The following NARS2 variants were observed in gnomAD, a reference collection of about 807,000 sequenced individuals.
NARS2 encodes asparaginyl-tRNA synthetase 2, mitochondrial.
NARS2 carries 60 observed loss-of-function variants against 62.9 expected under a neutral mutation model. The ratio of observed to expected loss-of-function variants is 0.95; its 90% CI spans 0.77 to 1.18. NARS2 has a LOEUF of 1.18. NARS2 is among the 50% of genes most tolerant of loss of function. The pLI is 0.00. For synonymous variants in NARS2, 196 were observed against 200.0 expected (o/e 0.98, Z 0.17); for missense variants, 619 against 576.4 (o/e 1.07, Z -0.76).
At chr11:78,520,049 A>G (rs1359121748) in intron 6 of NARS2, among the ~76,000 whole-genome samples, 10 of 152,010 alleles carry the variant, frequency 6.6e-5, no homozygotes, top group Non-Finnish European at 8.8e-5. Context: ...AATATTTTTA[A>G]AATATTTTAA....
chr11:78,571,271 G>T (rs1225083530), intron 2 of NARS2, 64 bp downstream of exon 2: 1 of 962,804 alleles, frequency 1.0e-6, no homozygotes, highest in Non-Finnish European at 1.7e-6. Context: ...CTGGAGTAGG[G>T]AAGTGAGAAG....
chr11:78,455,243 C>G (rs1442723773), intron 11 of NARS2, among the ~76,000 whole-genome samples: 1 of 152,150 alleles, frequency 6.6e-6, no homozygotes, highest in Non-Finnish European at 1.5e-5. Flanking sequence ...CTTGTCTAGC[C>G]ATCTTTATCA....
intron 6 of NARS2, among the ~76,000 whole-genome samples, chr11:78,502,500 T>C (rs888781974): frequency 1.4e-4 from 22 of 152,228 alleles, no homozygotes; most frequent in Non-Finnish European, 2.2e-4. Context: ...TACAATCACA[T>C]AGGGGTTAGG....
rs1034044538 is a variant in NARS2, at chr11:78,465,353, A to G, written c.1164+523T>C. ...GGCCAGCCCAGAAAGGGGCTCCCACAGTGCAGTGGCAGGCTGAAGGGCTCC... is the reference window on the plus strand; with the variant it reads ...GGCCAGCCCAGAAAGGGGCTCCCACGGTGCAGTGGCAGGCTGAAGGGCTCC... On this transcript the variant is annotated intron_variant, in intron 11 of 13. Transcript: ENST00000281038. 3.3e-5 allele frequency among the ~76,000 whole-genome samples: 5 copies of G among 152,368 alleles called. No homozygotes were observed. The East Asian group carries it at 7.7e-4, about 24-fold the overall frequency.
At chr11:78,506,438 G>A (rs1860502032) in intron 6 of NARS2, among the ~76,000 whole-genome samples, 1 of 152,138 alleles carries the variant, frequency 6.6e-6, no homozygotes, top group African/African-American at 2.4e-5. Context: ...AGTATCAAAC[G>A]ACAGATGGAT....
At chr11:78,565,999 C>A (rs1856729592) in intron 4 of NARS2, 133 bp downstream of exon 4, 1 of 663,860 alleles carries the variant, frequency 1.5e-6, no homozygotes, top group African/African-American at 1.8e-5. Context: ...AAACCATAAC[C>A]CATAATGAAG....
In NARS2 at chr11:78,532,467, A is replaced by G. The variant is rs1033404658; in HGVS notation, c.595-3531T>C. Among the ~76,000 whole-genome samples, 4 of 152,216 alleles carry G rather than the reference A, an allele frequency of 2.6e-5. No homozygotes were observed. In the East Asian group the frequency reaches 7.7e-4, roughly 29 times the overall value. ...TAATCTGCTCCCCAAATGAGAAAGA[A>G]GATATACAGAAATGAAGACTCAAAT... On this transcript the variant is annotated intron_variant, in intron 5 of 13. Coordinates refer to ENST00000281038, the MANE Select transcript of NARS2 (RefSeq NM_024678.6).
At chr11:78,503,466 G>C (rs1006994610) in intron 6 of NARS2, among the ~76,000 whole-genome samples, 1 of 152,068 alleles carries the variant, frequency 6.6e-6, no homozygotes, top group Non-Finnish European at 1.5e-5. Context: ...TTGAACTCCT[G>C]ACCTCAGGTG....
At chr11:78,504,439 T>G (rs200287753) in intron 6 of NARS2, among the ~76,000 whole-genome samples, 10,312 of 63,208 alleles carry the variant, frequency 0.16, 1,038 homozygotes, top group African/African-American at 0.36. Context: ...CACCAGTTTT[T>G]TTTTTTTTTT....
intron 4 of NARS2, among the ~76,000 whole-genome samples, chr11:78,559,909 C>A (rs1856499988): frequency 6.6e-6 from 1 of 152,164 alleles, no homozygotes; most frequent in South Asian, 2.1e-4. Context: ...ACAAGTTACA[C>A]AATTAGTCAG....
At chr11:78,468,720 T>A (rs1241661128) in intron 10 of NARS2, among the ~76,000 whole-genome samples, 1 of 152,010 alleles carries the variant, frequency 6.6e-6, no homozygotes, top group East Asian at 1.9e-4. Flanking sequence ...TCTTTTAATG[T>A]CATTCAGAAT....
At chr11:78,502,797 C>A (rs1484647031) in intron 6 of NARS2, among the ~76,000 whole-genome samples, 1 of 152,080 alleles carries the variant, frequency 6.6e-6, no homozygotes, top group Non-Finnish European at 1.5e-5. Context: ...AGTCTGAGAC[C>A]AGCCTGGCCA....
chr11:78,471,525 TTTTTC>T (rs1301281348), intron 9 of NARS2, among the ~76,000 whole-genome samples: 1 of 151,912 alleles, frequency 6.6e-6, no homozygotes, highest in African/African-American at 2.4e-5. Flanking sequence ...ACTATCTTTT[TTTTTC>T]TTTTTTTTCT....
intron 4 of NARS2, among the ~76,000 whole-genome samples, chr11:78,561,167 C>T (rs1159621932): frequency 6.6e-6 from 1 of 152,054 alleles, no homozygotes; most frequent in Non-Finnish European, 1.5e-5. Context: ...TACAAAAGGG[C>T]CCAGCAGCTT....
At chr11:78,553,576 A>T (rs1317222519) in intron 5 of NARS2, among the ~76,000 whole-genome samples, 2 of 152,202 alleles carry the variant, frequency 1.3e-5, no homozygotes, top group East Asian at 3.8e-4. Context: ...GGCATGAACC[A>T]CCATGCCTAG....
At chr11:78,450,322 A>T (rs1857922344) in intron 11 of NARS2, among the ~76,000 whole-genome samples, 1 of 152,218 alleles carries the variant, frequency 6.6e-6, no homozygotes, top group African/African-American at 2.4e-5. Flanking sequence ...TTACCAAAAT[A>T]GGCTATTTTC....
intron 5 of NARS2, among the ~76,000 whole-genome samples, chr11:78,557,835 T>C (rs1856415909): frequency 6.9e-6 from 1 of 145,620 alleles, no homozygotes; most frequent in South Asian, 2.1e-4. Flanking sequence ...TATATATCTC[T>C]CTTATATTTT....
In NARS2 at chr11:78,487,555, T is replaced by C. The variant is rs190727868; in HGVS notation, c.822+5508A>G. On this transcript the variant is annotated intron_variant, in intron 7 of 13. Coordinates refer to ENST00000281038, the MANE Select transcript of NARS2 (RefSeq NM_024678.6). Reference sequence around the variant, plus strand: ...CAGAAAAAAATACGTAAAGAAATAATGGCTGAAAACTCCCCCAAGTTGGCT... The same window carrying C: ...CAGAAAAAAATACGTAAAGAAATAACGGCTGAAAACTCCCCCAAGTTGGCT... 1.8e-3 allele frequency among the ~76,000 whole-genome samples: 275 copies of C among 151,870 alleles called. 1 individual carries two copies. Among genetic ancestry groups the C allele is most frequent in the African/African-American group, 6.4e-3 (264 of 41,388 alleles).
rs115655412 is a variant in NARS2 at position 78,528,741 on chromosome 11, G to C, written c.689+101C>G. 1,642 of 765,162 alleles carry C rather than the reference G, an allele frequency of 2.1e-3. 24 individuals carry two copies. The African/African-American group carries it at 0.026, about 12-fold the overall frequency. The allele number at this position is 765,162 out of a possible 1,614,324, so 47.4% of individuals were successfully genotyped here. A position where few individuals can be genotyped will look rare whatever the true frequency, so the allele number is the denominator to read the frequency against. On this transcript the variant is annotated intron_variant, in intron 6 of 13. Transcript: ENST00000281038. Reference sequence around the variant, plus strand: ...TTTTGGAAAATTCAAGTGAACTAATGATAAAGACTAATTTCAACTTTTAGG... The same window carrying C: ...TTTTGGAAAATTCAAGTGAACTAATCATAAAGACTAATTTCAACTTTTAGG...
Sources: allele counts gnomAD v4.1 joint callset (sites outside exome capture counted in the v4.1 genomes callset), GRCh38; gene constraint gnomAD v4.1.1; transcripts MANE v1.5; gene names NCBI Gene and HGNC (gene_info 2026-07-23, HGNC 2026-07-21).